The following PLCH1 variants were observed in gnomAD, a reference collection of about 807,000 sequenced individuals.
The protein encoded by PLCH1 is 1-phosphatidylinositol 4,5-bisphosphate phosphodiesterase eta-1.
A neutral mutation model predicts 126.7 loss-of-function variants in PLCH1; 60 were observed. The ratio of observed to expected loss-of-function variants is 0.47; its 90% CI spans 0.38 to 0.59. The LOEUF is 0.59. Ranked by LOEUF, PLCH1 falls within the 20% of genes least tolerant of loss-of-function variation. The pLI is 0.00. For synonymous variants in PLCH1, 719 were observed against 734.9 expected, an observed-to-expected ratio of 0.98 and a Z score of 0.35; for missense variants, 1,723 against 2,040.0, an observed-to-expected ratio of 0.84 and a Z score of 2.99.
intron 4 of PLCH1, among the ~76,000 whole-genome samples, chr3:155,586,814 T>C (rs1446110348): frequency 6.6e-6 from 1 of 152,194 alleles, no homozygotes; most frequent in African/African-American, 2.4e-5. Context: ...CCAAATTAAA[T>C]ATCAAATCTA....
At chr3:155,605,079 C>T (rs1734186300) in intron 2 of PLCH1, among the ~76,000 whole-genome samples, 1 of 152,134 alleles carries the variant, frequency 6.6e-6, no homozygotes, top group Non-Finnish European at 1.5e-5. Flanking sequence ...GCTTTGGGTC[C>T]CTGAAACAAA....
intron 5 of PLCH1, among the ~76,000 whole-genome samples, chr3:155,585,787 T>C (rs1056964538): frequency 6.6e-6 from 1 of 152,206 alleles, no homozygotes; most frequent in African/African-American, 2.4e-5. Flanking sequence ...GAGGTATTAC[T>C]GTCCTCTCAA....
chr3:155,670,038 G>A (rs1577289178), intron 2 of PLCH1, among the ~76,000 whole-genome samples: 1 of 152,200 alleles, frequency 6.6e-6, no homozygotes, highest in Admixed American at 6.5e-5. Context: ...TATGTCCAAG[G>A]AGTGGGAAAG....
At chr3:155,565,165 A>G (rs989930799) in intron 7 of PLCH1, 47 bp from the exon 8 acceptor site, 2 of 1,328,342 alleles carry the variant, frequency 1.5e-6, no homozygotes, top group Non-Finnish European at 2.2e-6. Context: ...AAGCATATAT[A>G]CTTAATGGCT....
chr3:155,538,882 T>A (rs1260682776), intron 10 of PLCH1, among the ~76,000 whole-genome samples: 1 of 138,498 alleles, frequency 7.2e-6, no homozygotes, highest in African/African-American at 2.7e-5. Context: ...AAAGAAAGAA[T>A]CCCCCCTAAA....
chr3:155,616,620 T>G (rs1415167355), intron 2 of PLCH1, among the ~76,000 whole-genome samples: 1 of 152,152 alleles, frequency 6.6e-6, no homozygotes, highest in Non-Finnish European at 1.5e-5. Context: ...ACTATATTAC[T>G]GCAAAGAAAA....
chr3:155,523,111 A>C (rs867097621), intron 11 of PLCH1, among the ~76,000 whole-genome samples: 1 of 151,948 alleles, frequency 6.6e-6, no homozygotes, highest in Non-Finnish European at 1.5e-5. Flanking sequence ...AGTAGCTAGG[A>C]CTACAGGCGC....
At chr3:155,462,851 C>T (rs1712779374) in intron 21 of PLCH1, among the ~76,000 whole-genome samples, 1 of 152,310 alleles carries the variant, frequency 6.6e-6, no homozygotes, top group South Asian at 2.1e-4. Context: ...CACTGCACCC[C>T]AGGGTTCTGG....
chr3:155,694,934 T>C (rs1358948976), intron 2 of PLCH1, among the ~76,000 whole-genome samples: 3 of 149,638 alleles, frequency 2.0e-5, no homozygotes, highest in African/African-American at 7.4e-5. Context: ...TCTTCCTCTC[T>C]TACTGAGAAA....
intron 2 of PLCH1, among the ~76,000 whole-genome samples, chr3:155,699,849 C>CAG (rs1553760147): frequency 2.1e-5 from 3 of 145,600 alleles, no homozygotes; most frequent in Admixed American, 2.0e-4. Context: ...CACACACACA[C>CAG]CACTACCTCT....
At chr3:155,571,592 T>C (rs1427805783) in intron 6 of PLCH1, among the ~76,000 whole-genome samples, 1 of 152,168 alleles carries the variant, frequency 6.6e-6, no homozygotes, top group Non-Finnish European at 1.5e-5. Flanking sequence ...AGAAACAGGG[T>C]TTCACCATGT....
intron 2 of PLCH1, among the ~76,000 whole-genome samples, chr3:155,652,252 A>G (rs2108899442): frequency 6.6e-6 from 1 of 152,312 alleles, no homozygotes; most frequent in South Asian, 2.1e-4. Flanking sequence ...TTTGAGCACC[A>G]TGTTAAATTC....
At chr3:155,536,291 A>G (rs533986844) in intron 10 of PLCH1, among the ~76,000 whole-genome samples, 1 of 152,340 alleles carries the variant, frequency 6.6e-6, no homozygotes, top group African/African-American at 2.4e-5. Flanking sequence ...AAAGATCACA[A>G]TATCTCACCA....
At chr3:155,615,240 C>T (rs1011148564) in intron 2 of PLCH1, among the ~76,000 whole-genome samples, 5 of 152,078 alleles carry the variant, frequency 3.3e-5, no homozygotes, top group Admixed American at 6.6e-5. Flanking sequence ...TGCGATACCA[C>T]CTTACTCCTG....
chr3:155,633,439 C>T (rs929710748), intron 2 of PLCH1, among the ~76,000 whole-genome samples: 1 of 131,094 alleles, frequency 7.6e-6, no homozygotes. Context: ...CACACACACA[C>T]ACACACACAA....
chr3:155,577,039 C>T lies in PLCH1; in HGVS notation c.771+6433G>A, dbSNP rs7635150. ...GCATATTTTTTAATCTTTACTAATA[C>T]GATGGGAAAGAAATTGTCTCCTAGC... is the stretch of plus-strand genomic sequence containing the variant. On this transcript the variant is annotated intron_variant, in intron 6 of 22. Coordinates refer to ENST00000460012, the MANE Select transcript of PLCH1 (RefSeq NM_014996.4). 8.6e-3 allele frequency among the ~76,000 whole-genome samples: 1,308 copies of T among 152,184 alleles called. 13 individuals carry two copies. The highest frequency in any genetic ancestry group is 0.03 in the African/African-American group (1,255 of 41,504).
At chr3:155,470,501 T>G (rs887659943) in intron 21 of PLCH1, among the ~76,000 whole-genome samples, 8 of 152,170 alleles carry the variant, frequency 5.3e-5, no homozygotes, top group Admixed American at 5.2e-4. Context: ...GAAAACACTC[T>G]GCAGGATATT....
intron 10 of PLCH1, among the ~76,000 whole-genome samples, chr3:155,542,504 G>A (rs1724481254): frequency 6.6e-6 from 1 of 152,120 alleles, no homozygotes; most frequent in Non-Finnish European, 1.5e-5. Flanking sequence ...AGACTTAAAT[G>A]TCCCCGTCTG....
chr3:155,697,891 T>A (rs1745953612), intron 2 of PLCH1, among the ~76,000 whole-genome samples: 1 of 152,106 alleles, frequency 6.6e-6, no homozygotes, highest in Non-Finnish European at 1.5e-5. Context: ...GCTGCTGACA[T>A]ACAACAGGGA....
Sources: allele counts gnomAD v4.1 joint callset (sites outside exome capture counted in the v4.1 genomes callset), GRCh38; gene constraint gnomAD v4.1.1; transcripts MANE v1.5; gene names NCBI Gene and HGNC (gene_info 2026-07-23, HGNC 2026-07-21).